The following MGAT5 variants were observed in gnomAD, a reference collection of about 807,000 sequenced individuals.
The protein encoded by MGAT5 is alpha-1,6-mannosylglycoprotein 6-beta-N-acetylglucosaminyltransferase.
Under a neutral mutation model 94.3 loss-of-function variants are expected in MGAT5, and 30 were observed. The ratio of observed to expected loss-of-function variants is 0.32; its 90% confidence interval spans 0.24 to 0.43. The LOEUF (loss-of-function observed/expected upper bound fraction) is 0.43. Among genes scored for constraint, MGAT5 ranks in the 20% least tolerant of loss-of-function variants. The probability of loss-of-function intolerance (pLI) is 1.00; values close to 1 mark genes in which losing one functional copy is unlikely to be tolerated. For synonymous variants in MGAT5, 310 were observed against 322.9 expected (o/e 0.96, Z 0.43); for missense variants, 691 against 905.5 (o/e 0.76, Z 3.04).
intron 10 of MGAT5, among the ~76,000 whole-genome samples, chr2:134,377,819 C>A (rs1681279988): frequency 6.6e-6 from 1 of 152,114 alleles, no homozygotes; most frequent in Middle Eastern, 3.2e-3. Context: ...TTAGCCGGAG[C>A]AAAAGGGCCT....
chr2:134,244,740 A>G (rs531233900), intron 1 of MGAT5, among the ~76,000 whole-genome samples: 19 of 152,260 alleles, frequency 1.2e-4, no homozygotes, highest in Admixed American at 6.5e-5. Flanking sequence ...GTTGATTGGT[A>G]AGGCAGTCCC....
At chr2:134,310,777 T>A (rs534296533) in intron 2 of MGAT5, among the ~76,000 whole-genome samples, 34 of 152,346 alleles carry the variant, frequency 2.2e-4, no homozygotes, top group African/African-American at 7.9e-4. Context: ...TGAGGTCATT[T>A]TCAATGGGAG....
intron 1 of MGAT5, among the ~76,000 whole-genome samples, chr2:134,216,151 A>G (rs1211977388): frequency 6.6e-6 from 1 of 152,168 alleles, no homozygotes; most frequent in African/African-American, 2.4e-5. Flanking sequence ...TGCTCTCACC[A>G]TATGTTTGGT....
At chr2:134,428,256 A>T (rs1320758643) in intron 13 of MGAT5, 109 bp from the exon 14 acceptor site, 3 of 936,020 alleles carry the variant, frequency 3.2e-6, no homozygotes, top group Non-Finnish European at 1.7e-6. Context: ...AACCCTCATG[A>T]GGCCGACTCC....
chr2:134,305,881 C>T (rs1226793864), intron 2 of MGAT5, among the ~76,000 whole-genome samples: 24 of 152,128 alleles, frequency 1.6e-4, no homozygotes, highest in Admixed American at 1.6e-3. Context: ...GCCCCCAACT[C>T]GAGAATATAA....
intron 1 of MGAT5, among the ~76,000 whole-genome samples, chr2:134,185,260 G>A (rs1018111088): frequency 6.6e-6 from 1 of 152,128 alleles, no homozygotes; most frequent in African/African-American, 2.4e-5. Context: ...TGTGGTCATC[G>A]AGGGAATTCC....
chr2:134,154,895 G>C (rs1486469924), intron 1 of MGAT5, among the ~76,000 whole-genome samples: 1 of 152,302 alleles, frequency 6.6e-6, no homozygotes, highest in African/African-American at 2.4e-5. Flanking sequence ...GCACCACCGT[G>C]AGGTGTCTTG....
At chr2:134,344,579 C>T (rs1390368377) in intron 7 of MGAT5, among the ~76,000 whole-genome samples, 1 of 151,914 alleles carries the variant, frequency 6.6e-6, no homozygotes, top group Non-Finnish European at 1.5e-5. Flanking sequence ...TTCTTTGTAT[C>T]CAGTCCTTGT....
intron 1 of MGAT5, among the ~76,000 whole-genome samples, chr2:134,122,880 A>G (rs1326886589): frequency 6.6e-6 from 1 of 152,242 alleles, no homozygotes; most frequent in African/African-American, 2.4e-5. Flanking sequence ...GCCGGTGGCA[A>G]CCGTATGCTC....
intron 12 of MGAT5, among the ~76,000 whole-genome samples, chr2:134,417,794 GTA>G (rs1684064839): frequency 6.6e-6 from 1 of 151,998 alleles, no homozygotes; most frequent in Non-Finnish European, 1.5e-5. Context: ...CAGTGGATTT[GTA>G]TAGTGTCACA....
chr2:134,361,971 C>T (rs973566275), intron 9 of MGAT5, among the ~76,000 whole-genome samples: 1 of 152,140 alleles, frequency 6.6e-6, no homozygotes, highest in South Asian at 2.1e-4. Flanking sequence ...TGGACAGTAG[C>T]CTTATTCTGA....
intron 12 of MGAT5, among the ~76,000 whole-genome samples, chr2:134,418,701 T>TG (rs2106347816): frequency 6.6e-6 from 1 of 152,278 alleles, no homozygotes; most frequent in South Asian, 2.1e-4. Context: ...CAGGGTTAGC[T>TG]GCGAAGGGGA....
intron 1 of MGAT5, among the ~76,000 whole-genome samples, chr2:134,193,124 T>C (rs1440480090): frequency 1.4e-5 from 2 of 139,074 alleles, no homozygotes; most frequent in Admixed American, 1.5e-4. Flanking sequence ...TTTTATTTTT[T>C]ATTTTTTTTT....
intron 1 of MGAT5, among the ~76,000 whole-genome samples, chr2:134,168,533 G>T (rs1688057925): frequency 6.6e-6 from 1 of 152,182 alleles, no homozygotes. Flanking sequence ...CTATGAAACT[G>T]GGCTTCACAG....
At chr2:134,317,506 T>C in intron 2 of MGAT5, 23 bp from the exon 3 acceptor site, 1 of 1,506,784 alleles carries the variant, frequency 6.6e-7, no homozygotes, top group Non-Finnish European at 9.0e-7. Flanking sequence ...ATTGTATCCT[T>C]TGTTGTTTTT....
rs193282126 is a variant in MGAT5, at chr2:134,219,310, T to C, written c.-142-34952T>C. On this transcript the variant is annotated intron_variant, in intron 1 of 16. Coordinates refer to the MGAT5 transcript ENST00000409645. Reference sequence around the variant, plus strand: ...TGCTTCTGCAGTGCACAGTTTACTGTAGGGGTGGGAGTGGCAGGAGACAAG... The same window carrying C: ...TGCTTCTGCAGTGCACAGTTTACTGCAGGGGTGGGAGTGGCAGGAGACAAG... 5.2e-3 allele frequency among the ~76,000 whole-genome samples: 797 copies of C among 151,826 alleles called. 5 individuals are homozygous for C. The highest frequency in any genetic ancestry group is 7.6e-3 in the Admixed American group (116 of 15,256).
intron 1 of MGAT5, among the ~76,000 whole-genome samples, chr2:134,204,571 A>C (rs1030350649): frequency 6.6e-6 from 1 of 152,110 alleles, no homozygotes; most frequent in African/African-American, 2.4e-5. Context: ...TAAAAAGAAA[A>C]AACAGATGCT....
At position 134,295,252 on chromosome 2, in the gene MGAT5, A is replaced by G. The variant is rs1323230150; in HGVS notation, c.407-22277A>G. ...TGAGAATGGCCAGAAAAATCTAGAA[A>G]CTATGGTGAAAGTACTTACAAGTTG... On this transcript the variant is annotated intron_variant, in intron 2 of 15. Coordinates refer to ENST00000281923, the MANE Select transcript of MGAT5 (RefSeq NM_002410.5). Among the ~76,000 whole-genome samples the G allele has an allele frequency of 2.0e-5, 3 of 152,086 alleles. No individual in the cohort carries two copies. The East Asian group carries it at 5.8e-4, about 29-fold the overall frequency.
intron 1 of MGAT5, among the ~76,000 whole-genome samples, chr2:134,139,066 G>A (rs1389512035): frequency 2.6e-5 from 4 of 152,182 alleles, no homozygotes; most frequent in East Asian, 1.9e-4. Context: ...GAATACAGCC[G>A]AAGAGAAATT....
Sources: gnomAD v4.1 joint callset for allele counts (sites outside exome capture counted in the v4.1 genomes callset) on GRCh38, gnomAD v4.1.1 for gene constraint, MANE v1.5 for transcripts, NCBI Gene and HGNC (gene_info 2026-07-23, HGNC 2026-07-21) for gene names.